USP25: variants seen among roughly 807,000 people sequenced by gnomAD.
USP25 encodes the protein ubiquitin carboxyl-terminal hydrolase 25.
In USP25, 85 loss-of-function variants were observed where a neutral mutation model predicts 158.5. That is an observed-to-expected ratio of 0.54 (90% CI 0.45 to 0.64). The LOEUF (loss-of-function observed/expected upper bound fraction) is 0.64, where lower values mean the gene tolerates loss of function less well. Ranked by LOEUF, USP25 falls within the 30% of genes least tolerant of loss-of-function variation. The probability of loss-of-function intolerance (pLI) is 0.00; values close to 1 mark genes in which losing one functional copy is unlikely to be tolerated. For missense variants in USP25, 1,242 were observed against 1,327.3 expected (o/e 0.94, Z 1.00); for synonymous variants, 464 against 460.4 (o/e 1.01, Z -0.10).
chr21:15,822,951 A>G (rs58865638), intron 10 of USP25, among the ~76,000 whole-genome samples: 2,707 of 152,164 alleles, frequency 0.018, 65 homozygotes, highest in African/African-American at 0.061. Context: ...AAAGAGAAAT[A>G]GTATTGAATA....
At chr21:15,846,950 T>C (rs1051949802) in intron 18 of USP25, among the ~76,000 whole-genome samples, 1 of 152,152 alleles carries the variant, frequency 6.6e-6, no homozygotes, top group African/African-American at 2.4e-5. Context: ...AAAAAAGGAA[T>C]AAATCTGATT....
chr21:15,825,224 A>C (rs992459300), intron 12 of USP25, among the ~76,000 whole-genome samples, 163 bp downstream of exon 12: 1 of 152,194 alleles, frequency 6.6e-6, no homozygotes, highest in Non-Finnish European at 1.5e-5. Flanking sequence ...TCTATAGTAG[A>C]CTTTAAAAAA....
intron 1 of USP25, among the ~76,000 whole-genome samples, chr21:15,756,854 C>G (rs1278320914): frequency 3.3e-5 from 5 of 152,036 alleles, no homozygotes; most frequent in African/African-American, 4.8e-5. Flanking sequence ...AGAGGTTGAA[C>G]CCACCTCCCT....
intron 4 of USP25, among the ~76,000 whole-genome samples, chr21:15,789,549 C>G (rs954478751): frequency 1.3e-5 from 2 of 151,964 alleles, no homozygotes; most frequent in Non-Finnish European, 2.9e-5. Context: ...GACTTTTGAG[C>G]AGTTTATATT....
At position 15,792,186 on chromosome 21, in the gene USP25, A is replaced by G. The variant is rs1158195765; in HGVS notation, c.555+522A>G. On this transcript the variant is annotated intron_variant, in intron 5 of 25. Transcript: ENST00000400183. ...AATATTGATAAATCAAGAATAACACATTGTCTTTTTTTACTAAGAAATCCC... is the reference window on the plus strand; with the variant it reads ...AATATTGATAAATCAAGAATAACACGTTGTCTTTTTTTACTAAGAAATCCC... Among the ~76,000 whole-genome samples, 5 of 151,702 alleles carry G rather than the reference A, an allele frequency of 3.3e-5. No individual in the cohort carries two copies. In the South Asian group the frequency reaches 1.0e-3, roughly 31 times the overall value.
intron 14 of USP25, among the ~76,000 whole-genome samples, chr21:15,827,851 TTTCTA>T (rs1316965938): frequency 2.0e-5 from 3 of 151,600 alleles, no homozygotes; most frequent in East Asian, 1.9e-4. Flanking sequence ...CTTTTATTCT[TTTCTA>T]TTCTATTTTT....
In USP25 at chr21:15,766,225, G is replaced by C; in HGVS notation, c.268+84G>C. 7.6e-7 allele frequency: 1 copy of C among 1,323,526 alleles called. No individual in the cohort carries two copies. 82.0% of individuals were successfully genotyped at this position (1,323,526 alleles called of 1,614,324 possible). A position where few individuals can be genotyped will look rare whatever the true frequency, so the allele number is the denominator to read the frequency against. On this transcript the variant is annotated intron_variant, in intron 3 of 25. Coordinates refer to ENST00000400183, the MANE Select transcript of USP25 (RefSeq NM_001283041.3). The surrounding 1 kb of genome is among the most constrained non-coding windows in gnomAD (Gnocchi z 4.0). Reference sequence around the variant, plus strand: ...GTGTAATATATTAATGTTGCTTAAGGAGAGGTAAAGAACCAAAAAAGAACT... The same window carrying C: ...GTGTAATATATTAATGTTGCTTAAGCAGAGGTAAAGAACCAAAAAAGAACT...
chr21:15,778,144 T>A, intron 4 of USP25, 117 bp downstream of exon 4: 1 of 930,376 alleles, frequency 1.1e-6, no homozygotes, highest in Admixed American at 3.8e-5. Flanking sequence ...AAACTAGTAA[T>A]ATGCTTGTGT....
Position 15,826,075 on chromosome 21 carries a change from T to C in USP25, c.1305-129T>C. On this transcript the variant is annotated intron_variant, in intron 12 of 25. Transcript: ENST00000400183. The surrounding 1 kb of genome is among the most constrained non-coding windows in gnomAD (Gnocchi z 4.8). ...GTATATTCAGTTTTACCATCTTCGT[T>C]TTAAAGCAAATGAATTTTATTGCTG... 1 of 1,076,366 alleles carries C rather than the reference T, an allele frequency of 9.3e-7. No individual in the cohort carries two copies. Among genetic ancestry groups the C allele is most frequent in the Non-Finnish European group, 1.3e-6 (1 of 766,304 alleles). The allele number at this position is 1,076,366 out of a possible 1,614,324, so 66.7% of individuals were successfully genotyped here.
intron 23 of USP25, among the ~76,000 whole-genome samples, chr21:15,873,584 C>T (rs1368253411): frequency 2.0e-5 from 3 of 151,998 alleles, no homozygotes; most frequent in Non-Finnish European, 2.9e-5. Flanking sequence ...TCACCTCACC[C>T]TCCACCTCCC....
Position 15,837,786 on chromosome 21 carries a change from CAG to C in USP25, c.2194+4241_2194+4242del, listed in dbSNP as rs535477248. Among the ~76,000 whole-genome samples, 6 of 152,180 alleles carry C rather than the reference CAG, an allele frequency of 3.9e-5. No homozygotes were observed. In the South Asian group the frequency reaches 1.0e-3, roughly 26 times the overall value. On this transcript the variant is annotated intron_variant, in intron 17 of 25. Coordinates refer to ENST00000400183, the MANE Select transcript of USP25 (RefSeq NM_001283041.3). ...TATAAATTTCTCTAGAGGAAGCAGG[CAG>C]AGTTGGCTCTGGAACTTCTCTACAC... is the stretch of plus-strand genomic sequence containing the variant.
chr21:15,815,915 C>T (rs2036915454), intron 9 of USP25, among the ~76,000 whole-genome samples: 1 of 152,098 alleles, frequency 6.6e-6, no homozygotes, highest in South Asian at 2.1e-4. Flanking sequence ...GTGGTTTGGA[C>T]TGTGGACTTT....
intron 4 of USP25, among the ~76,000 whole-genome samples, chr21:15,781,729 A>C (rs1400104549): frequency 6.6e-6 from 1 of 152,020 alleles, no homozygotes; most frequent in Non-Finnish European, 1.5e-5. Flanking sequence ...TTCTTATAGG[A>C]AGAAGGTAAG....
In USP25 at chr21:15,827,205, T is replaced by C; in HGVS notation, c.1693+2T>C. On this transcript the variant is annotated splice_donor_variant, in intron 14 of 25. Coordinates refer to ENST00000400183, the MANE Select transcript of USP25 (RefSeq NM_001283041.3). LOFTEE classifies it high-confidence loss of function. ...CAGAAATAGAAAATGACACCAGAGG[T>C]AAGAAGTGTCTCATAGCATGGTTAC... 6.2e-7 allele frequency: 1 copy of C among 1,612,540 alleles called. No homozygotes were observed. The highest frequency in any genetic ancestry group is 1.3e-5 in the African/African-American group (1 of 75,028).
At chr21:15,764,316 CT>C (rs61313473) in intron 2 of USP25, among the ~76,000 whole-genome samples, 16,467 of 127,506 alleles carry the variant, frequency 0.13, 855 homozygotes, top group African/African-American at 0.17. Context: ...GGGGAATTTG[CT>C]TTTTTTTTTT....
chr21:15,834,516 C>T (rs990943437), intron 17 of USP25, among the ~76,000 whole-genome samples: 3 of 152,042 alleles, frequency 2.0e-5, no homozygotes, highest in Non-Finnish European at 2.9e-5. Context: ...TCATCTTTCG[C>T]AGACAGAGGT....
intron 1 of USP25, among the ~76,000 whole-genome samples, chr21:15,737,681 A>T (rs1227335657): frequency 6.6e-6 from 1 of 152,000 alleles, no homozygotes; most frequent in Non-Finnish European, 1.5e-5. Context: ...AAGAGTTTTA[A>T]AGTTATATTT....
rs57732471 is a variant in USP25 at position 15,823,926 on chromosome 21, C to T, written c.1081-113C>T. ...TGTGTACCCAGTTACTTGTCAGGTC[C>T]GCATTGTGGTGATACATATAACAAT... On this transcript the variant is annotated intron_variant, in intron 10 of 25. Transcript: ENST00000400183. The T allele has an allele frequency of 1.1e-3, 1,150 of 1,046,452 alleles. 4 individuals are homozygous for T. The African/African-American group carries it at 0.016, about 14-fold the overall frequency. The allele number at this position is 1,046,452 out of a possible 1,614,324, so 64.8% of individuals were successfully genotyped here.
intron 5 of USP25, among the ~76,000 whole-genome samples, chr21:15,797,456 A>G (rs1222998647): frequency 6.6e-6 from 1 of 151,410 alleles, no homozygotes; most frequent in Non-Finnish European, 1.5e-5. Context: ...CAAGTCACAC[A>G]TAAGCAGAAA....
Sources: allele counts gnomAD v4.1 joint callset (sites outside exome capture counted in the v4.1 genomes callset), GRCh38; gene constraint gnomAD v4.1.1; non-coding constraint Gnocchi (gnomAD v3.1); transcripts MANE v1.5; gene names NCBI Gene and HGNC (gene_info 2026-07-23, HGNC 2026-07-21).